The following C15orf40 variants were observed in gnomAD, a reference collection of about 807,000 sequenced individuals.
C15orf40 encodes the protein UPF0235 protein C15orf40.
C15orf40 carries 9 observed loss-of-function variants against 13.9 expected under a neutral mutation model. That is an observed-to-expected ratio of 0.65 (90% CI 0.39 to 1.13). The LOEUF (loss-of-function observed/expected upper bound fraction) is 1.13, where lower values mean the gene tolerates loss of function less well. C15orf40 is among the 50% of genes most tolerant of loss of function. The probability of loss-of-function intolerance (pLI) is 0.01; values close to 1 mark genes in which losing one functional copy is unlikely to be tolerated. For missense variants in C15orf40, 225 were observed against 188.5 expected (o/e 1.19, Z -1.13); for synonymous variants, 95 against 69.2 (o/e 1.37, Z -1.85).
chr15:83,008,735 G>A, intron 2 of C15orf40, 60 bp from the exon 3 acceptor site: 1 of 1,513,144 alleles, frequency 6.6e-7, no homozygotes, highest in Non-Finnish European at 8.8e-7. Context: ...ATGAAGCAAG[G>A]ACATTTTGTA....
intron 1 of C15orf40, chr15:83,010,657 T>A (rs1214278285): frequency 3.4e-6 from 1 of 294,204 alleles, no homozygotes; most frequent in Non-Finnish European, 6.4e-6. Context: ...TCCAATTCCT[T>A]GGGGGCAGGG....
At chr15:82,992,385 G>A (rs1033706839), downstream of C15orf40, among the ~76,000 whole-genome samples, 2 of 152,056 alleles carry the variant, frequency 1.3e-5, no homozygotes, top group African/African-American at 2.4e-5. Flanking sequence ...GCATGGTGGC[G>A]GATGCCTGTA....
In C15orf40 at chr15:83,008,300, T is replaced by C. The variant is rs1029873146; in HGVS notation, c.366+248A>G. 5 of 406,020 alleles carry C rather than the reference T, an allele frequency of 1.2e-5. No individual in the cohort carries two copies. In the East Asian group the frequency reaches 2.8e-4, roughly 23 times the overall value. The allele number at this position is 406,020 out of a possible 1,614,324, so 25.2% of individuals were successfully genotyped here. On this transcript the variant is annotated intron_variant, in intron 3 of 3. Coordinates refer to ENST00000304177, the MANE Select transcript of C15orf40 (RefSeq NM_144597.3). ...TCGGGAGGAGAAGGCAGGTGGATCATTTGAGGTCAGGAGTTCAAGACCAGC... is the reference window on the plus strand; with the variant it reads ...TCGGGAGGAGAAGGCAGGTGGATCACTTGAGGTCAGGAGTTCAAGACCAGC...
intron 1 of C15orf40, chr15:83,010,590 G>T (rs1008654159): frequency 1.2e-5 from 6 of 481,086 alleles, no homozygotes; most frequent in Non-Finnish European, 2.2e-5. Context: ...CCCCTTGCAA[G>T]AAAACCTAAC....
chr15:82,991,496 G>T (rs2030858935), downstream of C15orf40, among the ~76,000 whole-genome samples: 1 of 152,202 alleles, frequency 6.6e-6, no homozygotes, highest in Admixed American at 6.5e-5. Flanking sequence ...AGTGAGCCAA[G>T]ATCGTGCCAC....
intron 3 of C15orf40, among the ~76,000 whole-genome samples, chr15:83,006,684 G>A (rs1186144479): frequency 6.6e-6 from 1 of 152,108 alleles, no homozygotes; most frequent in Non-Finnish European, 1.5e-5. Context: ...CCGGGGAGGG[G>A]CGGGGCGCGG....
chr15:83,002,399 A>G lies in C15orf40; in HGVS notation c.*3198T>C, dbSNP rs2151282692. On this transcript the variant is annotated 3_prime_UTR_variant, in exon 4 of 4. Coordinates refer to ENST00000304177, the MANE Select transcript of C15orf40 (RefSeq NM_144597.3). Reference sequence around the variant, plus strand: ...TCCAGCATCCATTCCTCTCTTTGTAACTTTTCCCAATTTTATTCAGGTATC... The same window carrying G: ...TCCAGCATCCATTCCTCTCTTTGTAGCTTTTCCCAATTTTATTCAGGTATC... 1 of 152,274 alleles carries G rather than the reference A, an allele frequency of 6.6e-6. No homozygotes were observed. The highest frequency in any genetic ancestry group is 2.1e-4 in the South Asian group (1 of 4,828). 9.4% of individuals were successfully genotyped at this position (152,274 alleles called of 1,614,324 possible). A position where few individuals can be genotyped will look rare whatever the true frequency, so the allele number is the denominator to read the frequency against.
At chr15:82,994,207 A>C (rs889581897), downstream of C15orf40, among the ~76,000 whole-genome samples, 1 of 152,230 alleles carries the variant, frequency 6.6e-6, no homozygotes, top group Non-Finnish European at 1.5e-5. Flanking sequence ...AATTAAGGGT[A>C]ATAAAATGTC....
chr15:83,007,673 T>G (rs183470093), intron 3 of C15orf40, among the ~76,000 whole-genome samples: 1,651 of 150,830 alleles, frequency 0.011, 9 homozygotes, highest in Non-Finnish European at 0.017. Context: ...GGCAGATCAG[T>G]TGAGGTCAGG....
downstream of C15orf40, among the ~76,000 whole-genome samples, chr15:82,989,695 T>C (rs536538218): frequency 6.6e-6 from 1 of 152,360 alleles, no homozygotes; most frequent in East Asian, 1.9e-4. Flanking sequence ...AGTATAATAC[T>C]GGAAGAATGA....
rs113468748 is a variant in C15orf40, at chr15:83,002,800, A to AT, written c.*2796dup. 687 of 149,164 alleles carry AT rather than the reference A, an allele frequency of 4.6e-3. 4 individuals carry two copies. The highest frequency in any genetic ancestry group is 0.015 in the African/African-American group (616 of 40,832). The allele number at this position is 149,164 out of a possible 1,614,324, so 9.2% of individuals were successfully genotyped here. A position where few individuals can be genotyped will look rare whatever the true frequency, so the allele number is the denominator to read the frequency against. ...GATTCAGGGGAAGGAAAGAAAGCTGATTTTTTTTTTTCTTGAGACGGAGTC... is the reference window on the plus strand; with the variant it reads ...GATTCAGGGGAAGGAAAGAAAGCTGATTTTTTTTTTTTCTTGAGACGGAGTC... On this transcript the variant is annotated 3_prime_UTR_variant, in exon 4 of 4. Coordinates refer to ENST00000304177, the MANE Select transcript of C15orf40 (RefSeq NM_144597.3).
At chr15:82,992,313 C>T (rs568101781), downstream of C15orf40, among the ~76,000 whole-genome samples, 22 of 152,128 alleles carry the variant, frequency 1.4e-4, no homozygotes, top group East Asian at 5.8e-4. Context: ...GTGAGGAGTT[C>T]GAGACCAGCC....
chr15:82,997,649 ACCTTTCCCG>A lies in C15orf40; in HGVS notation c.*7939_*7947del. The A allele has an allele frequency of 3.9e-6, 1 of 258,332 alleles. No homozygotes were observed. Among genetic ancestry groups the A allele is most frequent in the South Asian group, 3.3e-5 (1 of 30,328 alleles). The allele number at this position is 258,332 out of a possible 1,614,324, so 16.0% of individuals were successfully genotyped here. On this transcript the variant is annotated 3_prime_UTR_variant, in exon 4 of 4. Coordinates refer to ENST00000304177, the MANE Select transcript of C15orf40 (RefSeq NM_144597.3). Reference sequence around the variant, plus strand: ...CATCCGATCTCTCAATCTTTTCCCCACCTTTCCCGCCTTTCTATTCCACAAAGCCGCCAT... The same window carrying A: ...CATCCGATCTCTCAATCTTTTCCCCACCTTTCTATTCCACAAAGCCGCCAT...
At position 83,008,640 on chromosome 15, in the gene C15orf40, C is replaced by A. The variant is rs753838125; in HGVS notation, c.274G>T (p.Ala92Ser). The A allele has an allele frequency of 4.3e-6, 7 of 1,612,576 alleles. No individual in the cohort carries two copies. In the South Asian group the frequency reaches 5.5e-5, roughly 13 times the overall value. ...TAEAVNVAIA[A>S]PPSEGEANAE... Reference sequence around the variant, plus strand: ...TTAGCCTCTCCCTCTGATGGAGGTGCTGCAATAGCTACATTTACAGCCTCT... The same window carrying A: ...TTAGCCTCTCCCTCTGATGGAGGTGATGCAATAGCTACATTTACAGCCTCT... Residue 92 changes from alanine to serine, a missense_variant, in exon 3 of 4, where the codon GCA (alanine) becomes TCA (serine). Transcript: ENST00000304177.
chr15:82,990,098 T>A (rs753565744), downstream of C15orf40: 8 of 1,056,400 alleles, frequency 7.6e-6, no homozygotes, highest in African/African-American at 1.1e-4. Flanking sequence ...AGTAAAAGCA[T>A]TTACTCTGTT....
Position 83,005,493 on chromosome 15 carries a change from A to T in C15orf40, c.*104T>A. On this transcript the variant is annotated 3_prime_UTR_variant, in exon 4 of 4. Transcript: ENST00000304177. ...GAGATGGGGTTTCACCATGTTGGTCAGGCTGGTCTCGAACTCCTGACCTCA... is the reference window on the plus strand; with the variant it reads ...GAGATGGGGTTTCACCATGTTGGTCTGGCTGGTCTCGAACTCCTGACCTCA... 1 of 1,013,896 alleles carries T rather than the reference A, an allele frequency of 9.9e-7. No homozygotes were observed. The highest frequency in any genetic ancestry group is 3.5e-5 in the East Asian group (1 of 28,854). The allele number at this position is 1,013,896 out of a possible 1,614,324, so 62.8% of individuals were successfully genotyped here. A position where few individuals can be genotyped will look rare whatever the true frequency, so the allele number is the denominator to read the frequency against.
rs150618590 is a variant in C15orf40 at position 83,008,244 on chromosome 15, C to G, written c.366+304G>C. 3.0e-3 allele frequency: 791 copies of G among 262,870 alleles called. 3 individuals are homozygous for G. The highest frequency in any genetic ancestry group is 3.6e-3 in the Non-Finnish European group (490 of 135,028). 16.3% of individuals were successfully genotyped at this position (262,870 alleles called of 1,614,324 possible). A position where few individuals can be genotyped will look rare whatever the true frequency, so the allele number is the denominator to read the frequency against. ...GTTTAAAAAGAGAGAGACCTCCGGG[C>G]ATGGTGGCTCATACCTCTAATCCCA... On this transcript the variant is annotated intron_variant, in intron 3 of 3. Transcript: ENST00000304177.
Position 83,004,584 on chromosome 15 carries a change from C to A in C15orf40, c.*1013G>T. ...AAGGATCTTTGGAGATTCATAAAAA[C>A]TACTGAATTTGCTGATTATTTAAGT... On this transcript the variant is annotated 3_prime_UTR_variant, in exon 4 of 4. Transcript: ENST00000304177. The A allele has an allele frequency of 1.1e-6, 1 of 893,206 alleles. No homozygotes were observed. Among genetic ancestry groups the A allele is most frequent in the South Asian group, 5.1e-5 (1 of 19,588 alleles). The allele number at this position is 893,206 out of a possible 1,614,324, so 55.3% of individuals were successfully genotyped here.
chr15:83,006,087 C>T (rs1487696400), intron 3 of C15orf40, among the ~76,000 whole-genome samples: 1 of 151,804 alleles, frequency 6.6e-6, no homozygotes, highest in Non-Finnish European at 1.5e-5. Context: ...AAAAATTAGC[C>T]GGGCATGGTG....
Sources: allele counts gnomAD v4.1 joint callset (sites outside exome capture counted in the v4.1 genomes callset), GRCh38; gene constraint gnomAD v4.1.1; transcripts MANE v1.5; gene names NCBI Gene and HGNC (gene_info 2026-07-23, HGNC 2026-07-21).